Variants in FYN observed in about 807,000 individuals in gnomAD.
FYN encodes FYN proto-oncogene, Src family tyrosine kinase, also known as tyrosine-protein kinase Fyn.
FYN carries 10 observed loss-of-function variants against 70.2 expected under a neutral mutation model. The observed-to-expected ratio is 0.14, with a 90% CI of 0.09 to 0.24. FYN has a LOEUF of 0.24. Ranked by LOEUF, FYN falls within the 10% of genes least tolerant of loss-of-function variation. The pLI is 1.00. For missense variants in FYN, 319 were observed against 673.1 expected, an observed-to-expected ratio of 0.47 and a Z score of 5.82; for synonymous variants, 236 against 248.6, an observed-to-expected ratio of 0.95 and a Z score of 0.48.
chr6:111,757,775 G>C (rs1358923092), intron 3 of FYN, among the ~76,000 whole-genome samples: 1 of 152,134 alleles, frequency 6.6e-6, no homozygotes, highest in African/African-American at 2.4e-5. Context: ...ACAAAACACA[G>C]GATGTCATTT....
At chr6:111,833,982 GATAA>G (rs1196401606) in intron 2 of FYN, among the ~76,000 whole-genome samples, 2 of 152,150 alleles carry the variant, frequency 1.3e-5, no homozygotes, top group South Asian at 2.1e-4. Flanking sequence ...CAGCAGTGAA[GATAA>G]ATAAATTTGA....
intron 3 of FYN, among the ~76,000 whole-genome samples, chr6:111,746,483 T>C (rs989902243): frequency 1.3e-5 from 2 of 152,254 alleles, no homozygotes; most frequent in Non-Finnish European, 2.9e-5. Flanking sequence ...GTCCATGATA[T>C]TGTATATTCA....
chr6:111,851,121 T>C (rs1461855670), intron 1 of FYN, among the ~76,000 whole-genome samples: 1 of 152,116 alleles, frequency 6.6e-6, no homozygotes, highest in African/African-American at 2.4e-5. Context: ...TACTAGACAT[T>C]GGTACTACCC....
At chr6:111,678,224 A>C (rs1026002159) in intron 12 of FYN, among the ~76,000 whole-genome samples, 1 of 151,644 alleles carries the variant, frequency 6.6e-6, no homozygotes, top group African/African-American at 2.4e-5. Flanking sequence ...CAAACTCCCA[A>C]GGTAAACTCA....
At chr6:111,837,103 T>C (rs529584316) in intron 2 of FYN, among the ~76,000 whole-genome samples, 1 of 152,336 alleles carries the variant, frequency 6.6e-6, no homozygotes, top group East Asian at 1.9e-4. Flanking sequence ...TTCCCACACC[T>C]AGCACCTCAC....
At chr6:111,760,667 T>C (rs1802967643) in intron 3 of FYN, among the ~76,000 whole-genome samples, 1 of 152,000 alleles carries the variant, frequency 6.6e-6, no homozygotes, top group African/African-American at 2.4e-5. Flanking sequence ...AAGCTGGGAG[T>C]TGCACGGAGC....
At chr6:111,721,482 T>C (rs907440861) in intron 3 of FYN, among the ~76,000 whole-genome samples, 6 of 151,770 alleles carry the variant, frequency 4.0e-5, no homozygotes, top group Admixed American at 3.9e-4. Flanking sequence ...CAGGCTGGAG[T>C]GCAGTGGAGC....
chr6:111,731,691 T>C (rs910959124), intron 3 of FYN, among the ~76,000 whole-genome samples: 3 of 152,188 alleles, frequency 2.0e-5, no homozygotes, highest in African/African-American at 7.2e-5. Context: ...AAGCATAGTC[T>C]ATCTAATTCC....
chr6:111,699,885 C>G, intron 9 of FYN: 1 of 635,262 alleles, frequency 1.6e-6, no homozygotes, highest in Non-Finnish European at 2.5e-6. Context: ...ACAACTTGAG[C>G]CATTTGCCAA....
At position 111,702,932 on chromosome 6, in the gene FYN, G is replaced by A; in HGVS notation, c.650C>T (p.Thr217Ile). 1 of 1,614,142 alleles carries A rather than the reference G, an allele frequency of 6.2e-7. No individual in the cohort carries two copies. Among genetic ancestry groups the A allele is most frequent in the Non-Finnish European group, 8.5e-7 (1 of 1,180,006 alleles). ...CTGAAGTGTTTCAAACTGGGCCCGGGTGGTAATGTAGTATCCACCATTGTC... is the reference window on the plus strand; with the variant it reads ...CTGAAGTGTTTCAAACTGGGCCCGGATGGTAATGTAGTATCCACCATTGTC... The part of the protein sequence containing the change: ...KLDNGGYYIT[T>I]RAQFETLQQL... The change falls in exon 8 of 14, where the codon ACC (threonine) becomes ATC (isoleucine). Residue 217 changes from threonine (T) to isoleucine (I), a missense_variant. Physicochemically the swap from Thr to Ile is moderately conservative, Grantham distance 89 (BLOSUM62 -1). Coordinates refer to ENST00000354650, the MANE Select transcript of FYN (RefSeq NM_002037.5).
At chr6:111,696,200 T>G (rs1424820533) in intron 10 of FYN, 77 bp downstream of exon 10, 8 of 1,247,684 alleles carry the variant, frequency 6.4e-6, no homozygotes, top group Non-Finnish European at 7.5e-6. Context: ...AAGTAGCAAG[T>G]AGGAAACTTC....
chr6:111,771,732 C>T (rs79535927), intron 3 of FYN, among the ~76,000 whole-genome samples: 7 of 152,174 alleles, frequency 4.6e-5, no homozygotes, highest in Admixed American at 2.0e-4. Context: ...AATTAGTCAC[C>T]GCCATTGAAA....
At chr6:111,814,395 A>G (rs999450409) in intron 2 of FYN, among the ~76,000 whole-genome samples, 5 of 152,194 alleles carry the variant, frequency 3.3e-5, no homozygotes, top group African/African-American at 1.2e-4. Context: ...AAACAAAGCA[A>G]AATCTGAAAC....
intron 2 of FYN, among the ~76,000 whole-genome samples, chr6:111,803,371 A>C (rs1353493916): frequency 6.6e-6 from 1 of 151,826 alleles, no homozygotes; most frequent in Admixed American, 6.6e-5. Context: ...TTTACCCCAC[A>C]ATCTTTTTTT....
chr6:111,788,023 G>C (rs61552815), intron 2 of FYN, among the ~76,000 whole-genome samples: 1 of 151,942 alleles, frequency 6.6e-6, no homozygotes, highest in Admixed American at 6.6e-5. Flanking sequence ...GTCCCTCCTC[G>C]GAGCCTTCAC....
At chr6:111,667,037 T>C (rs537648684) in intron 13 of FYN, among the ~76,000 whole-genome samples, 9 of 152,308 alleles carry the variant, frequency 5.9e-5, no homozygotes, top group African/African-American at 2.2e-4. Context: ...TTATCCTTTC[T>C]AAATCATGTT....
intron 2 of FYN, among the ~76,000 whole-genome samples, chr6:111,788,755 C>T (rs1003848408): frequency 3.3e-5 from 5 of 152,152 alleles, no homozygotes; most frequent in Non-Finnish European, 7.4e-5. Flanking sequence ...AACAAGGAAG[C>T]ATACAAACAA....
intron 1 of FYN, among the ~76,000 whole-genome samples, chr6:111,871,338 C>G (rs1157494584): frequency 1.3e-5 from 2 of 152,212 alleles, no homozygotes; most frequent in Non-Finnish European, 2.9e-5. Flanking sequence ...GTCCCTTCAT[C>G]TGAATACAGG....
At chr6:111,786,326 T>C (rs1771381880) in intron 2 of FYN, among the ~76,000 whole-genome samples, 1 of 152,032 alleles carries the variant, frequency 6.6e-6, no homozygotes, top group Non-Finnish European at 1.5e-5. Flanking sequence ...TTTTTGTCCT[T>C]GTGATAGTTT....
Sources: allele counts gnomAD v4.1 joint callset (sites outside exome capture counted in the v4.1 genomes callset), GRCh38; gene constraint gnomAD v4.1.1; transcripts MANE v1.5; gene names NCBI Gene and HGNC (gene_info 2026-07-23, HGNC 2026-07-21).